The following KLF15 variants were observed in gnomAD, a reference collection of about 807,000 sequenced individuals.
The protein encoded by KLF15 is Krueppel-like factor 15.
A neutral mutation model predicts 24.6 loss-of-function variants in KLF15; 4 were observed. The ratio of observed to expected loss-of-function variants is 0.16; its 90% confidence interval spans 0.08 to 0.37. The LOEUF (loss-of-function observed/expected upper bound fraction) is 0.37. KLF15 is among the 10% of genes least tolerant of loss of function. The pLI is 1.00. For synonymous variants in KLF15, 246 were observed against 236.3 expected (o/e 1.04, Z -0.37); for missense variants, 496 against 560.6 (o/e 0.88, Z 1.16).
At chr3:126,315,744 A>G in the KLF15 span, among the ~76,000 whole-genome samples, 2 of 152,200 alleles carry the variant, frequency 1.3e-5, no homozygotes, top group African/African-American at 4.8e-5. Context: ...CATGACTCCA[A>G]ATCACTTCAA....
chr3:126,326,966 T>C, the KLF15 span, among the ~76,000 whole-genome samples: 105,796 of 151,992 alleles, frequency 0.7, 37,270 homozygotes, highest in African/African-American at 0.81. Flanking sequence ...TACCCCTCCC[T>C]AGCCTCCCCG....
chr3:126,342,374 G>A (rs1457821795), downstream of KLF15, among the ~76,000 whole-genome samples: 5 of 152,222 alleles, frequency 3.3e-5, no homozygotes, highest in African/African-American at 1.2e-4. Flanking sequence ...CACAGGTGCT[G>A]TCGGAATGTG....
chr3:126,296,486 C>T, the KLF15 span, among the ~76,000 whole-genome samples: 2 of 152,238 alleles, frequency 1.3e-5, no homozygotes, highest in Non-Finnish European at 2.9e-5. Context: ...GAATTACAGG[C>T]GTGAGCCACC....
the KLF15 span, among the ~76,000 whole-genome samples, chr3:126,293,159 A>AAT: frequency 7.9e-5 from 12 of 151,442 alleles, no homozygotes; most frequent in African/African-American, 2.9e-4. Flanking sequence ...AAAAAAAAAA[A>AAT]AAAAAATTAG....
the KLF15 span, among the ~76,000 whole-genome samples, chr3:126,301,614 T>TC: frequency 9.9e-5 from 11 of 110,658 alleles, no homozygotes; most frequent in Admixed American, 7.7e-4. Context: ...CTTTTTCTTT[T>TC]TTTTTTTTTT....
chr3:126,289,720 G>A, the KLF15 span, among the ~76,000 whole-genome samples: 388 of 152,200 alleles, frequency 2.5e-3, 2 homozygotes, highest in Non-Finnish European at 4.0e-3. Flanking sequence ...CTATGGATGC[G>A]TAACAACTTA....
the KLF15 span, chr3:126,290,700 T>A: frequency 6.6e-6 from 1 of 152,244 alleles, no homozygotes; most frequent in Non-Finnish European, 1.5e-5. Flanking sequence ...CTCCTAGAAC[T>A]CTCACAGCTG....
At chr3:126,305,365 G>C in the KLF15 span, among the ~76,000 whole-genome samples, 1 of 152,150 alleles carries the variant, frequency 6.6e-6, no homozygotes, top group East Asian at 1.9e-4. Flanking sequence ...GAAGAACTCA[G>C]CTCCTTTCAT....
intron 1 of KLF15, among the ~76,000 whole-genome samples, chr3:126,354,733 T>C (rs1411294478): frequency 6.6e-6 from 1 of 152,244 alleles, no homozygotes; most frequent in Non-Finnish European, 1.5e-5. Flanking sequence ...TGCTAGACAC[T>C]GTGAAGGGCA....
the KLF15 span, among the ~76,000 whole-genome samples, chr3:126,331,326 A>G: frequency 1.3e-5 from 2 of 152,330 alleles, no homozygotes; most frequent in East Asian, 3.9e-4. Flanking sequence ...CAAACCCAGG[A>G]AATGTGCACA....
chr3:126,308,450 G>GA, the KLF15 span, among the ~76,000 whole-genome samples: 1 of 152,138 alleles, frequency 6.6e-6, no homozygotes, highest in African/African-American at 2.4e-5. Context: ...GCCGCCAGGG[G>GA]ACGACCACCT....
the KLF15 span, among the ~76,000 whole-genome samples, chr3:126,334,119 A>C: frequency 1.3e-5 from 2 of 151,886 alleles, no homozygotes; most frequent in Non-Finnish European, 2.9e-5. Context: ...CACAATATAC[A>C]TTTTTTTCAG....
At chr3:126,338,949 G>A (rs868082381), downstream of KLF15, among the ~76,000 whole-genome samples, 1 of 152,216 alleles carries the variant, frequency 6.6e-6, no homozygotes, top group South Asian at 2.1e-4. Context: ...AGCAGGGAAC[G>A]TCCCGGCTGG....
the KLF15 span, among the ~76,000 whole-genome samples, chr3:126,314,981 G>A: frequency 1.3e-5 from 2 of 152,176 alleles, no homozygotes; most frequent in Non-Finnish European, 2.9e-5. Context: ...CAGTTCTGGG[G>A]GAAGGAAGTC....
chr3:126,338,579 CCT>C (rs751880893), downstream of KLF15, among the ~76,000 whole-genome samples: 26 of 152,192 alleles, frequency 1.7e-4, no homozygotes, highest in Non-Finnish European at 1.8e-4. Flanking sequence ...ACACAATTTC[CCT>C]GTCTGTTCAT....
the KLF15 span, among the ~76,000 whole-genome samples, chr3:126,320,627 G>A: frequency 6.6e-6 from 1 of 152,196 alleles, no homozygotes; most frequent in Non-Finnish European, 1.5e-5. Flanking sequence ...CATGCGTGCA[G>A]CATTGTACGG....
the KLF15 span, among the ~76,000 whole-genome samples, chr3:126,330,819 C>A: frequency 1.3e-5 from 2 of 152,224 alleles, no homozygotes; most frequent in African/African-American, 2.4e-5. Flanking sequence ...AGGAAAAGCT[C>A]TATCTTTTCT....
chr3:126,348,006 C>CCCCCACGGGGA (rs1427126850), intron 2 of KLF15, among the ~76,000 whole-genome samples: 1 of 152,108 alleles, frequency 6.6e-6, no homozygotes, highest in Non-Finnish European at 1.5e-5. Flanking sequence ...GTGGAGAGCT[C>CCCCCACGGGGA]CCCCACGGGG....
chr3:126,321,183 C>T, the KLF15 span, among the ~76,000 whole-genome samples: 4 of 152,188 alleles, frequency 2.6e-5, no homozygotes, highest in Admixed American at 6.5e-5. Context: ...CTGCAGAGTG[C>T]TCTCAACCCT....
Sources: allele counts gnomAD v4.1 joint callset (sites outside exome capture counted in the v4.1 genomes callset), GRCh38; gene constraint gnomAD v4.1.1; transcripts MANE v1.5; gene names NCBI Gene and HGNC (gene_info 2026-07-23, HGNC 2026-07-21).